Variants in PRKX observed in about 807,000 individuals in gnomAD.
The protein encoded by PRKX is protein kinase cAMP-dependent X-linked catalytic subunit.
PRKX carries 12 observed loss-of-function variants against 22.0 expected under a neutral mutation model. The ratio of observed to expected loss-of-function variants is 0.54; its 90% CI spans 0.35 to 0.88. PRKX has a LOEUF of 0.88. Among genes scored for constraint, PRKX ranks in the 40% least tolerant of loss-of-function variants. The pLI is 0.01. For synonymous variants in PRKX, 134 were observed against 137.7 expected (o/e 0.97, Z 0.19); for missense variants, 217 against 308.0 (o/e 0.70, Z 2.21).
intron 1 of PRKX, among the ~76,000 whole-genome samples, chrX:3,692,912 G>A (rs1294386012): frequency 1.8e-5 from 2 of 111,374 alleles, no homozygotes; most frequent in Non-Finnish European, 3.8e-5. Flanking sequence ...TTGATTAGGT[G>A]TCGGCTTCTA....
chrX:3,692,527 C>CTTT (rs34719641), intron 1 of PRKX, among the ~76,000 whole-genome samples: 4 of 94,104 alleles, frequency 4.3e-5, no homozygotes, highest in Admixed American at 1.2e-4. Flanking sequence ...AGCAACTGAA[C>CTTT]TTTTTTTTTT....
chrX:3,648,631 T>TGTGTGTGTGCGC (rs1381596520), intron 3 of PRKX, among the ~76,000 whole-genome samples: 4 of 104,841 alleles, frequency 3.8e-5, no homozygotes, highest in African/African-American at 1.4e-4. Flanking sequence ...TGTGTGTGTG[T>TGTGTGTGTGCGC]GTGTGTGTGT....
chrX:3,688,711 T>A (rs1246863177), intron 1 of PRKX, among the ~76,000 whole-genome samples: 1 of 109,238 alleles, frequency 9.2e-6, no homozygotes, highest in African/African-American at 3.3e-5. Flanking sequence ...AAAAAAAAAT[T>A]TTTTTTAATG....
At chrX:3,659,722 TTTTTTTG>T (rs1313939554) in intron 2 of PRKX, among the ~76,000 whole-genome samples, 135 of 25,625 alleles carry the variant, frequency 5.3e-3, no homozygotes, top group East Asian at 0.044. Flanking sequence ...TTTTTGTTTT[TTTTTTTG>T]TTTTTTTTTT....
intron 2 of PRKX, among the ~76,000 whole-genome samples, chrX:3,658,229 G>A (rs113065790): frequency 3.7e-3 from 415 of 111,075 alleles, no homozygotes; most frequent in African/African-American, 0.013. Flanking sequence ...GACCTCAGGC[G>A]ATCCACCCGC....
intron 2 of PRKX, among the ~76,000 whole-genome samples, chrX:3,659,143 C>T (rs1927537971): frequency 9.2e-6 from 1 of 109,216 alleles, no homozygotes; most frequent in Non-Finnish European, 1.9e-5. Flanking sequence ...CCCAGCAATT[C>T]GGGAGGCTGA....
At chrX:3,609,318 G>A (rs758956511) in intron 8 of PRKX, among the ~76,000 whole-genome samples, 3 of 111,074 alleles carry the variant, frequency 2.7e-5, no homozygotes, top group East Asian at 5.7e-4. Flanking sequence ...CCGCCACCAC[G>A]CCTGGGTAAT....
chrX:3,645,647 A>C (rs759653625), intron 3 of PRKX, among the ~76,000 whole-genome samples: 2 of 112,852 alleles, frequency 1.8e-5, no homozygotes, highest in East Asian at 5.6e-4. Flanking sequence ...AGATGGTTCA[A>C]ACAGGCTGGG....
intron 2 of PRKX, among the ~76,000 whole-genome samples, chrX:3,669,112 T>A (rs1443877448): frequency 9.0e-6 from 1 of 111,494 alleles, no homozygotes; most frequent in Non-Finnish European, 1.9e-5. Context: ...ATACGTTCCA[T>A]CATCAATCTA....
Position 3,638,727 on chromosome X carries a change from T to C in PRKX, c.719+3125A>G, listed in dbSNP as rs1460193678. Reference sequence around the variant, plus strand: ...AGAAAGGTAGAGATAGAGGGATAGGTAGGTAAGTAGATGATTGATAAATAC... The same window carrying C: ...AGAAAGGTAGAGATAGAGGGATAGGCAGGTAAGTAGATGATTGATAAATAC... On this transcript the variant is annotated intron_variant, in intron 4 of 8. Transcript: ENST00000262848. Among the ~76,000 whole-genome samples, 3 of 110,425 alleles carry C rather than the reference T, an allele frequency of 2.7e-5. No homozygotes were observed. In the South Asian group the frequency reaches 1.2e-3, roughly 43 times the overall value.
intron 4 of PRKX, among the ~76,000 whole-genome samples, chrX:3,638,635 A>G (rs1926946724): frequency 1.8e-5 from 2 of 111,897 alleles, no homozygotes; most frequent in African/African-American, 6.5e-5. Flanking sequence ...GTCTCAGCAA[A>G]GAGTAATGGA....
chrX:3,630,440 A>G lies in PRKX; in HGVS notation c.720-3926T>C, dbSNP rs113753084. Among the ~76,000 whole-genome samples, 240 of 111,378 alleles carry G rather than the reference A, an allele frequency of 2.2e-3. 1 individual carries two copies. Among genetic ancestry groups the G allele is most frequent in the African/African-American group, 3.6e-3 (110 of 30,702 alleles). ...CCAGGCGTGGTGGCGGGCGCCTGTA[A>G]TCCCAGCCACTCAGGAGGCTGAGGC... On this transcript the variant is annotated intron_variant, in intron 4 of 8. Transcript: ENST00000262848.
rs1195966095 is a variant in PRKX, at chrX:3,708,847, C to T, written c.166+4241G>A. Among the ~76,000 whole-genome samples the T allele has an allele frequency of 4.8e-5, 5 of 103,129 alleles. No homozygotes were observed. In the Admixed American group the frequency reaches 5.2e-4, roughly 11 times the overall value. 89.6% of individuals were successfully genotyped at this position (103,129 alleles called of 115,157 possible). On this transcript the variant is annotated intron_variant, in intron 1 of 8. Coordinates refer to ENST00000262848, the MANE Select transcript of PRKX (RefSeq NM_005044.5). ...CTGGGCAACAAGAGTGAAACTCTGTCTCAAAAAAAAAAAAAAAGTGTCGAG... is the reference window on the plus strand; with the variant it reads ...CTGGGCAACAAGAGTGAAACTCTGTTTCAAAAAAAAAAAAAAAGTGTCGAG...
intron 4 of PRKX, among the ~76,000 whole-genome samples, chrX:3,632,240 C>T (rs986388950): frequency 1.1e-4 from 12 of 111,184 alleles, no homozygotes; most frequent in African/African-American, 3.9e-4. Flanking sequence ...CTCTTTGGGC[C>T]GCTGGTCCTG....
At chrX:3,657,625 C>T (rs1347761455) in intron 2 of PRKX, among the ~76,000 whole-genome samples, 1 of 112,374 alleles carries the variant, frequency 8.9e-6, no homozygotes, top group Non-Finnish European at 1.9e-5. Context: ...CTGGAACTAT[C>T]ATTAAGCCTG....
intron 1 of PRKX, among the ~76,000 whole-genome samples, chrX:3,684,485 T>A (rs1010947150): frequency 1.8e-5 from 2 of 111,533 alleles, no homozygotes; most frequent in African/African-American, 6.5e-5. Flanking sequence ...ATCTAGTGGC[T>A]AAACGTAAAT....
intron 1 of PRKX, among the ~76,000 whole-genome samples, chrX:3,690,130 T>C (rs757237780): frequency 2.8e-4 from 31 of 112,384 alleles, no homozygotes; most frequent in African/African-American, 9.4e-4. Context: ...GCTTTGGATA[T>C]TCTTGGGAAG....
chrX:3,605,060 C>CA lies in PRKX; in HGVS notation c.*3908_*3909insT, dbSNP rs1926138181. The CA allele has an allele frequency of 1.1e-5, 1 of 93,707 alleles. No homozygotes were observed. The highest frequency in any genetic ancestry group is 4.0e-5 in the African/African-American group (1 of 24,813). 7.7% of individuals were successfully genotyped at this position (93,707 alleles called of 1,213,427 possible). On this transcript the variant is annotated 3_prime_UTR_variant, in exon 9 of 9. Transcript: ENST00000262848. ...ACACACACACACACACACACACACA[C>CA]CCCGCAAAGAAACTATCCAAATGCA... is the stretch of plus-strand genomic sequence containing the variant.
chrX:3,609,248 G>A (rs1335944913), intron 8 of PRKX, among the ~76,000 whole-genome samples: 2 of 110,990 alleles, frequency 1.8e-5, no homozygotes, highest in Non-Finnish European at 3.8e-5. Flanking sequence ...TGCAACCTCC[G>A]CCTCCATGTT....
Sources: gnomAD v4.1 joint callset for allele counts (sites outside exome capture counted in the v4.1 genomes callset) on GRCh38, gnomAD v4.1.1 for gene constraint, MANE v1.5 for transcripts, NCBI Gene and HGNC (gene_info 2026-07-23, HGNC 2026-07-21) for gene names.